ENAH: variants seen among roughly 807,000 people sequenced by gnomAD.
ENAH encodes the protein protein enabled homolog.
In ENAH, 23 loss-of-function variants were observed where a neutral mutation model predicts 78.7. The ratio of observed to expected loss-of-function variants is 0.29; its 90% confidence interval spans 0.21 to 0.41. ENAH has a LOEUF of 0.41. Among genes scored for constraint, ENAH ranks in the 10% least tolerant of loss-of-function variants. ENAH has a pLI of 1.00. For missense variants in ENAH, 544 were observed against 691.0 expected (o/e 0.79, Z 2.39); for synonymous variants, 226 against 241.0 (o/e 0.94, Z 0.58).
At chr1:225,634,169 G>A (rs759604462) in intron 1 of ENAH, among the ~76,000 whole-genome samples, 1 of 152,092 alleles carries the variant, frequency 6.6e-6, no homozygotes, top group African/African-American at 2.4e-5. Flanking sequence ...ATAAATTGTG[G>A]TTGGGGTACT....
At chr1:225,498,584 C>T (rs2096262977) in intron 12 of ENAH, among the ~76,000 whole-genome samples, 180 bp from the exon 13 acceptor site, 1 of 152,184 alleles carries the variant, frequency 6.6e-6, no homozygotes, top group Non-Finnish European at 1.5e-5. Context: ...TTCTGCCCTT[C>T]CCAATCCTGG....
intron 4 of ENAH, among the ~76,000 whole-genome samples, chr1:225,526,427 C>T (rs957224774): frequency 6.6e-6 from 1 of 151,880 alleles, no homozygotes. Context: ...CGACCTTGGC[C>T]TCCCGGGTTC....
At chr1:225,608,443 T>C (rs1402117191) in intron 1 of ENAH, among the ~76,000 whole-genome samples, 1 of 148,518 alleles carries the variant, frequency 6.7e-6, no homozygotes, top group Non-Finnish European at 1.5e-5. Context: ...CATTAAGAAA[T>C]ATCATTATAA....
Position 225,571,071 on chromosome 1 carries a change from T to C in ENAH, c.6-3657A>G, listed in dbSNP as rs552055780. 8.8e-4 allele frequency among the ~76,000 whole-genome samples: 134 copies of C among 152,020 alleles called. 1 individual carries two copies. The highest frequency in any genetic ancestry group is 3.2e-3 in the African/African-American group (134 of 41,494). On this transcript the variant is annotated intron_variant, in intron 1 of 13. Transcript: ENST00000366843. ...AACAGTAAACTATTATTAGTTAAGT[T>C]ATGGGGGATTCAAAAGTTGCACTTG... is the stretch of plus-strand genomic sequence containing the variant.
chr1:225,563,630 T>A (rs934107696), intron 2 of ENAH, among the ~76,000 whole-genome samples: 1 of 152,216 alleles, frequency 6.6e-6, no homozygotes, highest in African/African-American at 2.4e-5. Flanking sequence ...CCCTATTTGA[T>A]CAAGAAGTGC....
intron 4 of ENAH, among the ~76,000 whole-genome samples, chr1:225,524,828 A>G (rs2096493002): frequency 6.6e-6 from 1 of 152,346 alleles, no homozygotes; most frequent in African/African-American, 2.4e-5. Flanking sequence ...TTCTTAGAAT[A>G]TGTTTCCTCA....
chr1:225,544,312 C>T (rs922936006), intron 3 of ENAH, among the ~76,000 whole-genome samples: 3 of 152,102 alleles, frequency 2.0e-5, no homozygotes, highest in Non-Finnish European at 4.4e-5. Context: ...TGTAAGAAAG[C>T]ATGCAAATAA....
chr1:225,592,436 C>G (rs1343363269), intron 1 of ENAH, among the ~76,000 whole-genome samples: 1 of 152,216 alleles, frequency 6.6e-6, no homozygotes, highest in African/African-American at 2.4e-5. Flanking sequence ...TCCCTGGATA[C>G]TCATTTTATG....
chr1:225,548,653 C>A (rs1021477567), intron 3 of ENAH, among the ~76,000 whole-genome samples: 1 of 152,170 alleles, frequency 6.6e-6, no homozygotes, highest in Admixed American at 6.5e-5. Context: ...GAAATCCCAG[C>A]TCTCCATGTC....
At chr1:225,538,041 T>C (rs1436691938) in intron 3 of ENAH, among the ~76,000 whole-genome samples, 4 of 152,192 alleles carry the variant, frequency 2.6e-5, no homozygotes, top group African/African-American at 9.6e-5. Flanking sequence ...CAGCATTGTT[T>C]CTTACGATTA....
intron 1 of ENAH, among the ~76,000 whole-genome samples, chr1:225,640,893 C>CTTTTTT (rs61440195): frequency 7.6e-6 from 1 of 130,970 alleles, no homozygotes; most frequent in African/African-American, 2.9e-5. Flanking sequence ...CAAGTACATA[C>CTTTTTT]TTTTTTTTTT....
rs760870500 is a variant in ENAH, at chr1:225,530,651, A to G, written c.350-13T>C. On this transcript the variant is annotated splice_polypyrimidine_tract_variant and intron_variant, in intron 3 of 13. Coordinates refer to ENST00000366843, the MANE Select transcript of ENAH (RefSeq NM_018212.6). ...GGCAATGTTGGCCCTACAGAGGGAG[A>G]AAACATTACAGATGAACATTATTTT... 3.8e-6 allele frequency: 6 copies of G among 1,584,978 alleles called. No homozygotes were observed. The highest frequency in any genetic ancestry group is 5.2e-6 in the Non-Finnish European group (6 of 1,153,870).
chr1:225,569,791 A>T (rs2096751763), intron 1 of ENAH, among the ~76,000 whole-genome samples: 1 of 152,182 alleles, frequency 6.6e-6, no homozygotes, highest in South Asian at 2.1e-4. Flanking sequence ...GAATAAAGAG[A>T]AGAAAAAATA....
intron 1 of ENAH, among the ~76,000 whole-genome samples, chr1:225,610,920 T>C (rs968168766): frequency 2.0e-5 from 3 of 152,002 alleles, no homozygotes; most frequent in Non-Finnish European, 4.4e-5. Context: ...TTTCACACAA[T>C]AGAATAAAAT....
At chr1:225,614,513 G>GA (rs1335353148) in intron 1 of ENAH, among the ~76,000 whole-genome samples, 1 of 152,156 alleles carries the variant, frequency 6.6e-6, no homozygotes, top group Non-Finnish European at 1.5e-5. Flanking sequence ...CATCCATCTG[G>GA]AAGCTCTCCA....
chr1:225,526,002 T>C (rs1174761352), intron 4 of ENAH, among the ~76,000 whole-genome samples: 1 of 152,034 alleles, frequency 6.6e-6, no homozygotes, highest in African/African-American at 2.4e-5. Flanking sequence ...CTACAACCAT[T>C]TATTTCCGTT....
chr1:225,628,480 T>C (rs1024860148), intron 1 of ENAH, among the ~76,000 whole-genome samples: 2 of 152,136 alleles, frequency 1.3e-5, no homozygotes, highest in Non-Finnish European at 2.9e-5. Flanking sequence ...CAGTGAAATA[T>C]GCAACTAATA....
At position 225,494,969 on chromosome 1, in the gene ENAH, C is replaced by T. The variant is rs1397602068; in HGVS notation, c.*2806G>A. The T allele has an allele frequency of 6.6e-6, 1 of 152,630 alleles. No individual in the cohort carries two copies. Among genetic ancestry groups the T allele is most frequent in the East Asian group, 1.9e-4 (1 of 5,206 alleles). The allele number at this position is 152,630 out of a possible 1,614,324, so 9.5% of individuals were successfully genotyped here. A position where few individuals can be genotyped will look rare whatever the true frequency, so the allele number is the denominator to read the frequency against. ...CCTAAAAGCATGAGAATTCAACATT[C>T]ATTAGTGTTTCATCTTCAGTTTTGA... On this transcript the variant is annotated 3_prime_UTR_variant, in exon 14 of 14. Transcript: ENST00000366843.
intron 1 of ENAH, among the ~76,000 whole-genome samples, chr1:225,633,309 C>T (rs954850541): frequency 2.0e-5 from 3 of 151,834 alleles, no homozygotes; most frequent in South Asian, 2.1e-4. Flanking sequence ...CTCTGCCTCC[C>T]GAAGTGCTGG....
Sources: gnomAD v4.1 joint callset for allele counts (sites outside exome capture counted in the v4.1 genomes callset) on GRCh38, gnomAD v4.1.1 for gene constraint, MANE v1.5 for transcripts, NCBI Gene and HGNC (gene_info 2026-07-23, HGNC 2026-07-21) for gene names.